The following RALYL variants were observed in gnomAD, a reference collection of about 807,000 sequenced individuals.
RALYL encodes the protein RALY RNA binding protein like, also known as RNA-binding Raly-like protein.
A neutral mutation model predicts 35.1 loss-of-function variants in RALYL; 29 were observed. That is an observed-to-expected ratio of 0.83 (90% CI 0.61 to 1.13). The LOEUF (loss-of-function observed/expected upper bound fraction) is 1.13. Ranked by LOEUF, RALYL falls within the 50% of genes most tolerant of loss-of-function variation. RALYL has a pLI of 0.00. For synonymous variants in RALYL, 120 were observed against 127.6 expected, an observed-to-expected ratio of 0.94 and a Z score of 0.40; for missense variants, 359 against 360.4, an observed-to-expected ratio of 1.00 and a Z score of 0.03.
At chr8:84,361,554 G>A (rs918228972) in intron 1 of RALYL, among the ~76,000 whole-genome samples, 1 of 152,258 alleles carries the variant, frequency 6.6e-6, no homozygotes, top group Non-Finnish European at 1.5e-5. Context: ...GAAATCCTAA[G>A]CCATAATTCA....
At chr8:84,857,695 T>A (rs1031685236) in intron 5 of RALYL, among the ~76,000 whole-genome samples, 2 of 151,680 alleles carry the variant, frequency 1.3e-5, no homozygotes, top group African/African-American at 4.8e-5. Context: ...CTGAGAAATG[T>A]TTGTTTTTAA....
At chr8:84,535,864 G>A (rs2135116764) in intron 2 of RALYL, among the ~76,000 whole-genome samples, 1 of 152,046 alleles carries the variant, frequency 6.6e-6, no homozygotes, top group African/African-American at 2.4e-5. Context: ...ATGTCTCCTG[G>A]GAGGCAAAAT....
chr8:84,609,681 A>G (rs1319420897), intron 2 of RALYL, among the ~76,000 whole-genome samples: 2 of 152,206 alleles, frequency 1.3e-5, no homozygotes, highest in Non-Finnish European at 2.9e-5. Context: ...AATGCTCTGC[A>G]TACAGTTTCT....
chr8:84,555,615 G>T, intron 2 of RALYL, among the ~76,000 whole-genome samples: 1 of 152,158 alleles, frequency 6.6e-6, no homozygotes, highest in African/African-American at 2.4e-5. Context: ...AAAGTAATGT[G>T]AATGTTCTGT....
chr8:84,573,654 A>G (rs956978910), intron 2 of RALYL, among the ~76,000 whole-genome samples: 1 of 151,792 alleles, frequency 6.6e-6, no homozygotes, highest in African/African-American at 2.4e-5. Context: ...CAATCCACGT[A>G]TGTTTAACAT....
chr8:84,608,118 C>A (rs1195899139), intron 2 of RALYL, among the ~76,000 whole-genome samples: 2 of 152,066 alleles, frequency 1.3e-5, no homozygotes, highest in East Asian at 1.9e-4. Context: ...CTAAATCACA[C>A]TCCCAATATT....
chr8:84,486,384 G>A (rs188769530), intron 1 of RALYL, among the ~76,000 whole-genome samples: 56 of 150,862 alleles, frequency 3.7e-4, no homozygotes, highest in Middle Eastern at 6.9e-3. Flanking sequence ...TGAAAAAAAG[G>A]AAGCTTGTAT....
At chr8:84,740,622 T>A (rs1360991369) in intron 2 of RALYL, among the ~76,000 whole-genome samples, 1 of 152,052 alleles carries the variant, frequency 6.6e-6, no homozygotes, top group Non-Finnish European at 1.5e-5. Context: ...TTACTAGAAC[T>A]TAATTATTTT....
At chr8:84,324,530 G>A (rs904346632) in intron 1 of RALYL, among the ~76,000 whole-genome samples, 2 of 151,824 alleles carry the variant, frequency 1.3e-5, no homozygotes, top group African/African-American at 2.4e-5. Flanking sequence ...GTTTCATTAC[G>A]AGGAATATAT....
chr8:84,478,661 C>T (rs2053684072), intron 1 of RALYL, among the ~76,000 whole-genome samples: 1 of 152,004 alleles, frequency 6.6e-6, no homozygotes, highest in Non-Finnish European at 1.5e-5. Context: ...GTGAGTATTC[C>T]ACATAGGGTA....
intron 4 of RALYL, among the ~76,000 whole-genome samples, chr8:84,816,024 C>CTCTG (rs1491528463): frequency 1.9e-5 from 2 of 105,764 alleles, no homozygotes; most frequent in South Asian, 7.3e-4. Context: ...CAGAGAGAGA[C>CTCTG]TCTGTCTCAA....
chr8:84,562,812 A>G (rs1279526710), intron 2 of RALYL, among the ~76,000 whole-genome samples: 1 of 151,920 alleles, frequency 6.6e-6, no homozygotes, highest in Admixed American at 6.6e-5. Flanking sequence ...TGCTAATTAA[A>G]GTTAGGGAGG....
At chr8:84,188,649 G>T (rs1428875999) in intron 1 of RALYL, among the ~76,000 whole-genome samples, 3 of 152,088 alleles carry the variant, frequency 2.0e-5, no homozygotes, top group Non-Finnish European at 4.4e-5. Flanking sequence ...ATTTCTGAAT[G>T]TATCAATAGC....
intron 1 of RALYL, among the ~76,000 whole-genome samples, chr8:84,460,670 A>G (rs1309586907): frequency 2.0e-5 from 3 of 151,772 alleles, no homozygotes; most frequent in Non-Finnish European, 4.4e-5. Context: ...TGAAAATAAT[A>G]TAACTAGTTG....
At chr8:84,388,022 G>A (rs1859649558) in intron 1 of RALYL, among the ~76,000 whole-genome samples, 1 of 151,938 alleles carries the variant, frequency 6.6e-6, no homozygotes, top group Admixed American at 6.6e-5. Flanking sequence ...TCCCCAGAGT[G>A]TGATGTTCCC....
At position 84,785,569 on chromosome 8, in the gene RALYL, C is replaced by A. The variant is rs1031131968; in HGVS notation, c.332+10915C>A. 2.0e-5 allele frequency among the ~76,000 whole-genome samples: 3 copies of A among 152,082 alleles called. No homozygotes were observed. In the South Asian group the frequency reaches 6.2e-4, roughly 32 times the overall value. On this transcript the variant is annotated intron_variant, in intron 3 of 8. Transcript: ENST00000521268. Reference sequence around the variant, plus strand: ...ACTCGGTGCAGTGTCTTAAAGTATTCATGTCTTTTGACTAATTCCATCCTT... The same window carrying A: ...ACTCGGTGCAGTGTCTTAAAGTATTAATGTCTTTTGACTAATTCCATCCTT...
chr8:84,509,028 A>G (rs1013228650), intron 1 of RALYL, among the ~76,000 whole-genome samples: 5 of 152,150 alleles, frequency 3.3e-5, no homozygotes, highest in Non-Finnish European at 5.9e-5. Context: ...GCTTGTTTGT[A>G]TACTTTAAAA....
At chr8:84,270,740 A>G (rs979837473) in intron 1 of RALYL, among the ~76,000 whole-genome samples, 1 of 152,206 alleles carries the variant, frequency 6.6e-6, no homozygotes, top group Non-Finnish European at 1.5e-5. Flanking sequence ...AGTGAAATAA[A>G]TTTCTTACAC....
At chr8:84,334,335 A>G (rs1018229768) in intron 1 of RALYL, among the ~76,000 whole-genome samples, 1 of 152,098 alleles carries the variant, frequency 6.6e-6, no homozygotes, top group Non-Finnish European at 1.5e-5. Flanking sequence ...AAATTATACT[A>G]CATAACAATT....
Sources: gnomAD v4.1 joint callset for allele counts (sites outside exome capture counted in the v4.1 genomes callset) on GRCh38, gnomAD v4.1.1 for gene constraint, MANE v1.5 for transcripts, NCBI Gene and HGNC (gene_info 2026-07-23, HGNC 2026-07-21) for gene names.